Variants in PTP4A3 observed in about 807,000 individuals in gnomAD.
PTP4A3 encodes the protein protein tyrosine phosphatase type IVA 3.
In PTP4A3, 9 loss-of-function variants were observed where a neutral mutation model predicts 15.2. The observed-to-expected ratio is 0.59, with a 90% CI of 0.36 to 1.03. The LOEUF (loss-of-function observed/expected upper bound fraction) is 1.03, where lower values mean the gene tolerates loss of function less well. Among genes scored for constraint, PTP4A3 ranks in the 50% least tolerant of loss-of-function variants. The pLI is 0.02. For missense variants in PTP4A3, 234 were observed against 252.1 expected (o/e 0.93, Z 0.49); for synonymous variants, 95 against 102.0 (o/e 0.93, Z 0.41).
At chr8:141,412,260 C>CA (rs1832890216) in intron 1 of PTP4A3, among the ~76,000 whole-genome samples, 1 of 152,244 alleles carries the variant, frequency 6.6e-6, no homozygotes, top group African/African-American at 2.4e-5. Context: ...CAGCCACCCT[C>CA]AGGGACCACA....
chr8:141,394,447 A>T (rs1195164532), intron 1 of PTP4A3, among the ~76,000 whole-genome samples: 1 of 151,784 alleles, frequency 6.6e-6, no homozygotes, highest in African/African-American at 2.4e-5. Flanking sequence ...CCCCACCTCC[A>T]CCCTGGCCGC....
intron 1 of PTP4A3, among the ~76,000 whole-genome samples, chr8:141,419,055 C>G (rs1188913923): frequency 6.6e-6 from 1 of 152,164 alleles, no homozygotes; most frequent in Non-Finnish European, 1.5e-5. Context: ...TAACCCCATT[C>G]TAGCCTGGGC....
In PTP4A3 at chr8:141,422,178, C is replaced by G. The variant is rs1343357715; in HGVS notation, c.-63C>G. On this transcript the variant is annotated 5_prime_UTR_variant, in exon 2 of 6. Coordinates refer to ENST00000521578, the MANE Select transcript of PTP4A3 (RefSeq NM_032611.3). ...TTTTTGGGGGTGTGTGGGGACTTCTCAGGTCGTGTCCCCAGCCTTCTCTGC... is the reference window on the plus strand; with the variant it reads ...TTTTTGGGGGTGTGTGGGGACTTCTGAGGTCGTGTCCCCAGCCTTCTCTGC... The G allele has an allele frequency of 2.0e-6, 3 of 1,531,658 alleles. No individual in the cohort carries two copies. The highest frequency in any genetic ancestry group is 2.7e-6 in the Non-Finnish European group (3 of 1,108,896). The allele number at this position is 1,531,658 out of a possible 1,614,324, so 94.9% of individuals were successfully genotyped here.
In PTP4A3 at chr8:141,431,146, G is replaced by T; in HGVS notation, c.*102G>T. The T allele has an allele frequency of 9.2e-7, 1 of 1,086,416 alleles. No homozygotes were observed. The highest frequency in any genetic ancestry group is 1.4e-6 in the Non-Finnish European group (1 of 728,248). The allele number at this position is 1,086,416 out of a possible 1,614,324, so 67.3% of individuals were successfully genotyped here. A position where few individuals can be genotyped will look rare whatever the true frequency, so the allele number is the denominator to read the frequency against. The stretch of plus-strand genomic sequence containing the variant: ...TCTGCCCAGCCCAGCAGGGGCTCCA[G>T]GCCTTGGCTGGCCCCACATCGCCTT... On this transcript the variant is annotated 3_prime_UTR_variant, in exon 6 of 6. Transcript: ENST00000521578.
At chr8:141,411,703 G>T (rs548133419) in intron 1 of PTP4A3, among the ~76,000 whole-genome samples, 1 of 152,126 alleles carries the variant, frequency 6.6e-6, no homozygotes, top group Admixed American at 6.5e-5. Context: ...CTAGAGCCTC[G>T]GCCAGTGGCC....
At chr8:141,420,036 C>T (rs1833254928) in intron 1 of PTP4A3, among the ~76,000 whole-genome samples, 2 of 152,308 alleles carry the variant, frequency 1.3e-5, no homozygotes, top group African/African-American at 4.8e-5. Context: ...AGTCCAGGGG[C>T]CCAGGCCTCA....
At chr8:141,427,973 A>G in intron 5 of PTP4A3, 149 bp downstream of exon 5, 1 of 802,540 alleles carries the variant, frequency 1.2e-6, no homozygotes, top group Non-Finnish European at 1.9e-6. Context: ...AGAAACGGGG[A>G]AGCCTGAGGT....
At chr8:141,428,923 ACT>A (rs1211993140) in intron 5 of PTP4A3, among the ~76,000 whole-genome samples, 3 of 152,032 alleles carry the variant, frequency 2.0e-5, no homozygotes, top group Non-Finnish European at 4.4e-5. Flanking sequence ...CATGACATGC[ACT>A]CTCACACATG....
At chr8:141,417,268 G>A (rs1199395593) in intron 1 of PTP4A3, among the ~76,000 whole-genome samples, 4 of 152,210 alleles carry the variant, frequency 2.6e-5, no homozygotes, top group Admixed American at 6.5e-5. Context: ...CAGTGCCTCA[G>A]TTTCCTCACC....
rs1340152761 is a variant in PTP4A3 at position 141,431,316 on chromosome 8, G to T, written c.*272G>T. 1 of 518,462 alleles carries T rather than the reference G, an allele frequency of 1.9e-6. No individual in the cohort carries two copies. The highest frequency in any genetic ancestry group is 1.9e-5 in the African/African-American group (1 of 51,938). 32.1% of individuals were successfully genotyped at this position (518,462 alleles called of 1,614,324 possible). ...TCTGTCTCTCTGAGGTGGGTCGGGC[G>T]CCCTCTGCCCGCCCCCTCCCACACC... On this transcript the variant is annotated 3_prime_UTR_variant, in exon 6 of 6. Transcript: ENST00000521578.
Position 141,431,055 on chromosome 8 carries a change from T to C in PTP4A3, c.*11T>C. ...TGCTGCGTTATGTAGCTCAGGACCT[T>C]GGCTGGGCCTGGTCGTCATGTAGGT... On this transcript the variant is annotated 3_prime_UTR_variant, in exon 6 of 6. Transcript: ENST00000521578. 2.5e-6 allele frequency: 4 copies of C among 1,611,528 alleles called. No individual in the cohort carries two copies. Among genetic ancestry groups the C allele is most frequent in the Middle Eastern group, 1.7e-4 (1 of 6,058 alleles).
intron 2 of PTP4A3, 72 bp from the exon 3 acceptor site, chr8:141,424,975 TG>T: frequency 1.1e-5 from 14 of 1,305,104 alleles, no homozygotes; most frequent in Non-Finnish European, 1.4e-5. Context: ...CTGGGAGCCC[TG>T]GTGAGTGGGT....
intron 3 of PTP4A3, chr8:141,426,577 G>C: frequency 1.0e-6 from 1 of 985,448 alleles, no homozygotes; most frequent in Non-Finnish European, 1.2e-6. Context: ...GGCTGCCACC[G>C]GCACACAGGC....
At chr8:141,423,655 TTA>T in intron 2 of PTP4A3, among the ~76,000 whole-genome samples, 1 of 149,998 alleles carries the variant, frequency 6.7e-6, no homozygotes, top group East Asian at 2.0e-4. Context: ...GGATCAGGGC[TTA>T]GTGTGTGACC....
At chr8:141,426,668 T>C in intron 3 of PTP4A3, 11 of 985,354 alleles carry the variant, frequency 1.1e-5, no homozygotes, top group Non-Finnish European at 1.2e-5. Flanking sequence ...GAGCAGGCTC[T>C]ATTCAGAAAG....
intron 1 of PTP4A3, among the ~76,000 whole-genome samples, chr8:141,409,288 G>A (rs1048668408): frequency 6.6e-6 from 1 of 152,236 alleles, no homozygotes; most frequent in Non-Finnish European, 1.5e-5. Context: ...CTGTCTCTGA[G>A]CCCTGGAGCT....
Position 141,431,999 on chromosome 8 carries a change from C to A in PTP4A3, c.*955C>A. The A allele has an allele frequency of 6.6e-6, 1 of 152,466 alleles. No homozygotes were observed. The allele number at this position is 152,466 out of a possible 1,614,324, so 9.4% of individuals were successfully genotyped here. A position where few individuals can be genotyped will look rare whatever the true frequency, so the allele number is the denominator to read the frequency against. On this transcript the variant is annotated 3_prime_UTR_variant, in exon 6 of 6. Coordinates refer to ENST00000521578, the MANE Select transcript of PTP4A3 (RefSeq NM_032611.3). ...GAGGGTGCCACCTGGGCACCTGGGG[C>A]TGGATGTGAGAGGCCTGGACCAGGG...
At position 141,431,413 on chromosome 8, in the gene PTP4A3, C is replaced by G. The variant is rs941092192; in HGVS notation, c.*369C>G. On this transcript the variant is annotated 3_prime_UTR_variant, in exon 6 of 6. Transcript: ENST00000521578. ...ATTTTGTAACCACTGGGCCCCCAGC[C>G]CCTCTTTTGCGACCCCTTGTCCTGA... 1 of 271,388 alleles carries G rather than the reference C, an allele frequency of 3.7e-6. No homozygotes were observed. Among genetic ancestry groups the G allele is most frequent in the African/African-American group, 2.2e-5 (1 of 44,608 alleles). The allele number at this position is 271,388 out of a possible 1,614,324, so 16.8% of individuals were successfully genotyped here. A position where few individuals can be genotyped will look rare whatever the true frequency, so the allele number is the denominator to read the frequency against.
At chr8:141,421,043 C>T (rs1341979723) in intron 1 of PTP4A3, among the ~76,000 whole-genome samples, 3 of 152,186 alleles carry the variant, frequency 2.0e-5, no homozygotes, top group African/African-American at 7.2e-5. Flanking sequence ...GGCCTCTGTC[C>T]CCACAGAGGG....
Sources: gnomAD v4.1 joint callset for allele counts (sites outside exome capture counted in the v4.1 genomes callset) on GRCh38, gnomAD v4.1.1 for gene constraint, MANE v1.5 for transcripts, NCBI Gene and HGNC (gene_info 2026-07-23, HGNC 2026-07-21) for gene names.